BNIP3: variants seen among roughly 807,000 people sequenced by gnomAD.
BNIP3 encodes BCL2/adenovirus E1B 19 kDa protein-interacting protein 3.
Under a neutral mutation model 23.9 loss-of-function variants are expected in BNIP3, and 16 were observed. The ratio of observed to expected loss-of-function variants is 0.67; its 90% CI spans 0.45 to 1.01. The LOEUF (loss-of-function observed/expected upper bound fraction) is 1.01. BNIP3 is among the 50% of genes least tolerant of loss of function. The pLI, the probability that BNIP3 is intolerant of heterozygous loss-of-function variation, is 0.00. For synonymous variants in BNIP3, 81 were observed against 89.3 expected (o/e 0.91, Z 0.53); for missense variants, 198 against 248.7 (o/e 0.80, Z 1.37).
chr10:131,970,628 C>T lies in BNIP3; in HGVS notation c.539+10G>A, dbSNP rs759888151. ...TGCCATGACAGGAGTCACACAGTCA[C>T]ATCACCTACCCCAATCCGATGGCCA... On this transcript the variant is annotated intron_variant, in intron 5 of 5. Coordinates refer to ENST00000368636, the MANE Select transcript of BNIP3 (RefSeq NM_004052.4). The surrounding 1 kb of genome is among the most constrained non-coding windows in gnomAD (Gnocchi z 4.1). 1 of 1,613,234 alleles carries T rather than the reference C, an allele frequency of 6.2e-7. No individual in the cohort carries two copies. Among genetic ancestry groups the T allele is most frequent in the East Asian group, 2.2e-5 (1 of 44,870 alleles).
intron 3 of BNIP3, chr10:131,971,296 C>A: frequency 3.0e-6 from 1 of 337,578 alleles, no homozygotes; most frequent in Non-Finnish European, 5.6e-6. Context: ...AGTCACGTGA[C>A]ATGAGGGCAA....
intron 3 of BNIP3, among the ~76,000 whole-genome samples, chr10:131,971,875 G>A (rs2037036774): frequency 6.6e-6 from 1 of 152,192 alleles, no homozygotes; most frequent in African/African-American, 2.4e-5. Flanking sequence ...TGGGTAACAG[G>A]GACTCCTTGT....
Position 131,977,159 on chromosome 10 carries a change from C to T in BNIP3, c.47-3216G>A, listed in dbSNP as rs2037084122. Among the ~76,000 whole-genome samples, 3 of 152,050 alleles carry T rather than the reference C, an allele frequency of 2.0e-5. No homozygotes were observed. In the South Asian group the frequency reaches 6.2e-4, roughly 32 times the overall value. On this transcript the variant is annotated intron_variant, in intron 1 of 5. Transcript: ENST00000368636. Reference sequence around the variant, plus strand: ...TGGTGGGCGCCTGTAATCCCAGCTACTCGGGAAGCTGAGGCAGAAGAATCC... The same window carrying T: ...TGGTGGGCGCCTGTAATCCCAGCTATTCGGGAAGCTGAGGCAGAAGAATCC...
intron 3 of BNIP3, 80 bp from the exon 4 acceptor site, chr10:131,971,050 A>G (rs2037027803): frequency 7.7e-7 from 1 of 1,291,448 alleles, no homozygotes; most frequent in East Asian, 2.4e-5. Context: ...CCCGAGCTTC[A>G]GATCCGCAGG....
In BNIP3 at chr10:131,970,733, C is replaced by T. The variant is rs759648763; in HGVS notation, c.444G>A (p.Thr148=). ...KRTATLSMRN[T]SVMKKGGIFS... ...ATATGCCCCCTTTCTTCATGACGCT[C>T]GTGTTCCTCATGCTGAGGGTGGCCG... The change falls in exon 5 of 6, where the codon ACG becomes ACA. Residue 148 remains threonine (T), a synonymous_variant. Transcript: ENST00000368636. The surrounding 1 kb of genome is among the most constrained non-coding windows in gnomAD (Gnocchi z 4.1). The T allele has an allele frequency of 7.4e-6, 12 of 1,614,070 alleles. 1 individual carries two copies. The highest frequency in any genetic ancestry group is 4.4e-5 in the South Asian group (4 of 91,090).
chr10:131,973,560 GCCTACTGA>G (rs1371518148), intron 2 of BNIP3: 1 of 569,790 alleles, frequency 1.8e-6, no homozygotes, highest in Non-Finnish European at 3.1e-6. Flanking sequence ...CTGTTCCGCT[GCCTACTGA>G]TGACTTGAAC....
intron 1 of BNIP3, chr10:131,980,595 A>G (rs905487720): frequency 9.3e-6 from 1 of 107,480 alleles, no homozygotes; most frequent in Non-Finnish European, 2.1e-5. Flanking sequence ...AAAAAAAGGT[A>G]AAAAAAAAAA....
At chr10:131,975,176 T>C (rs1257106785) in intron 1 of BNIP3, among the ~76,000 whole-genome samples, 1 of 152,220 alleles carries the variant, frequency 6.6e-6, no homozygotes, top group Non-Finnish European at 1.5e-5. Context: ...AATTTTCCCA[T>C]TGATGTGAGA....
intron 5 of BNIP3, chr10:131,969,861 G>A (rs1004183678): frequency 1.3e-5 from 2 of 152,324 alleles, no homozygotes; most frequent in African/African-American, 4.8e-5. Context: ...CGCCTGCCTG[G>A]TCTCTGTGTT....
Position 131,970,733 on chromosome 10 carries a change from C to A in BNIP3, c.444G>T (p.Thr148=), listed in dbSNP as rs759648763. The A allele has an allele frequency of 6.8e-6, 11 of 1,614,070 alleles. No homozygotes were observed. Among genetic ancestry groups the A allele is most frequent in the Middle Eastern group, 1.6e-4 (1 of 6,084 alleles). The change falls in exon 5 of 6, where the codon ACG becomes ACT. Residue 148 remains threonine, a synonymous_variant. Transcript: ENST00000368636. This position sits in a 1 kb window ranked among gnomAD's most constrained non-coding sequence, Gnocchi z 4.1. The part of the protein sequence containing the change: ...KRTATLSMRN[T]SVMKKGGIFS... ...ATATGCCCCCTTTCTTCATGACGCT[C>A]GTGTTCCTCATGCTGAGGGTGGCCG...
In BNIP3 at chr10:131,968,586, T is replaced by C. The variant is rs764065829; in HGVS notation, c.540-17A>G. On this transcript the variant is annotated splice_polypyrimidine_tract_variant and intron_variant, in intron 5 of 5. Transcript: ENST00000368636. ...ATATAGATCCTTCACAGAAAAATTA[T>C]CAGTAGTTAATGTATCTTGTGATTC... 1 of 1,582,634 alleles carries C rather than the reference T, an allele frequency of 6.3e-7. No homozygotes were observed. Among genetic ancestry groups the C allele is most frequent in the East Asian group, 2.2e-5 (1 of 44,712 alleles).
chr10:131,974,975 A>G (rs2037068267), intron 1 of BNIP3, among the ~76,000 whole-genome samples: 1 of 152,238 alleles, frequency 6.6e-6, no homozygotes, highest in South Asian at 2.1e-4. Context: ...CTGCATTTAA[A>G]TATGTTGCAA....
chr10:131,973,449 CCTTGGAGTCACTCAGAAGTA>C (rs145518338), intron 2 of BNIP3: 15,278 of 467,720 alleles, frequency 0.033, 327 homozygotes, highest in Middle Eastern at 0.062. Flanking sequence ...GGCCACTCTA[CCTTGGAGTCACTCAGAAGTA>C]CTGCTAACCA....
intron 2 of BNIP3, 63 bp from the exon 3 acceptor site, chr10:131,973,181 T>G (rs1346038548): frequency 6.4e-7 from 1 of 1,557,254 alleles, no homozygotes; most frequent in Non-Finnish European, 8.8e-7. Context: ...CATTAGAAGC[T>G]CAAACCCCAA....
chr10:131,970,821 CCTCTGT>C lies in BNIP3; in HGVS notation c.389+37_390-35del. On this transcript the variant is annotated intron_variant, in intron 4 of 5. Coordinates refer to ENST00000368636, the MANE Select transcript of BNIP3 (RefSeq NM_004052.4). The surrounding 1 kb of genome is among the most constrained non-coding windows in gnomAD (Gnocchi z 4.1). ...GGAAGAAACGTGTCAGCTGATGTGTCCTCTGTCAAGGGGTGCCCCCGTGACACTGAG... is the reference window on the plus strand; with the variant it reads ...GGAAGAAACGTGTCAGCTGATGTGTCCAAGGGGTGCCCCCGTGACACTGAG... 6.2e-7 allele frequency: 1 copy of C among 1,614,226 alleles called. No individual in the cohort carries two copies. The highest frequency in any genetic ancestry group is 1.1e-5 in the South Asian group (1 of 91,088).
Position 131,970,491 on chromosome 10 carries a change from G to T in BNIP3, c.539+147C>A. On this transcript the variant is annotated intron_variant, in intron 5 of 5. Transcript: ENST00000368636. The surrounding 1 kb of genome is among the most constrained non-coding windows in gnomAD (Gnocchi z 4.1). ...CTGCAGGCTGGTGGTTTCTGGACCT[G>T]AACAGTGACTACGTGGGTGTTTGTG... The T allele has an allele frequency of 8.2e-7, 1 of 1,216,592 alleles. No individual in the cohort carries two copies. The highest frequency in any genetic ancestry group is 1.1e-6 in the Non-Finnish European group (1 of 892,246). 75.4% of individuals were successfully genotyped at this position (1,216,592 alleles called of 1,614,324 possible).
At chr10:131,973,519 G>A (rs915442726) in intron 2 of BNIP3, 22 of 516,426 alleles carry the variant, frequency 4.3e-5, no homozygotes, top group Non-Finnish European at 7.3e-5. Flanking sequence ...GCTGAGGCGC[G>A]TGAGTGCGTT....
chr10:131,978,112 T>C (rs1322151780), intron 1 of BNIP3, among the ~76,000 whole-genome samples: 2 of 152,154 alleles, frequency 1.3e-5, no homozygotes, highest in African/African-American at 4.8e-5. Flanking sequence ...GTGCTGCTGT[T>C]GCTGCTGCAA....
rs889799428 is a variant in BNIP3 at position 131,976,947 on chromosome 10, T to C, written c.47-3004A>G. Among the ~76,000 whole-genome samples, 17 of 152,212 alleles carry C rather than the reference T, an allele frequency of 1.1e-4. No individual in the cohort carries two copies. The highest frequency in any genetic ancestry group is 3.4e-4 in the African/African-American group (14 of 41,452). On this transcript the variant is annotated intron_variant, in intron 1 of 5. Coordinates refer to ENST00000368636, the MANE Select transcript of BNIP3 (RefSeq NM_004052.4). The surrounding 1 kb of genome is among the most constrained non-coding windows in gnomAD (Gnocchi z 4.3). ...GGTTGTTCTGCCTATGGAGTCACCA[T>C]CTTTTTACTGTTTTACTTTCTTTAA...
Sources: gnomAD v4.1 joint callset for allele counts (sites outside exome capture counted in the v4.1 genomes callset) on GRCh38, gnomAD v4.1.1 for gene constraint, Gnocchi (gnomAD v3.1) non-coding constraint, MANE v1.5 for transcripts, NCBI Gene and HGNC (gene_info 2026-07-23, HGNC 2026-07-21) for gene names.